Variants in CNGB1 observed in about 807,000 individuals in gnomAD.
The protein encoded by CNGB1 is cyclic nucleotide-gated channel beta-1.
CNGB1 carries 126 observed loss-of-function variants against 151.7 expected under a neutral mutation model. That is an observed-to-expected ratio of 0.83 (90% confidence interval 0.72 to 0.96). The LOEUF is 0.96. Among genes scored for constraint, CNGB1 ranks in the 40% least tolerant of loss-of-function variants. The pLI is 0.00. For missense variants in CNGB1, 1,698 were observed against 1,627.0 expected (o/e 1.04, Z -0.75); for synonymous variants, 623 against 635.1 (o/e 0.98, Z 0.29).
At chr16:57,897,353 T>C (rs1487706271) in intron 31 of CNGB1, 44 bp downstream of exon 31, 9 of 1,605,822 alleles carry the variant, frequency 5.6e-6, no homozygotes, top group African/African-American at 1.3e-5. Context: ...GAGAAATTCA[T>C]TGTCCTTAGC....
At chr16:57,909,815 G>C (rs1402179176) in intron 25 of CNGB1, among the ~76,000 whole-genome samples, 1 of 152,180 alleles carries the variant, frequency 6.6e-6, no homozygotes, top group East Asian at 1.9e-4. Flanking sequence ...AGGCAGTTAG[G>C]ACTCTGTGGC....
intron 18 of CNGB1, among the ~76,000 whole-genome samples, 188 bp from the exon 19 acceptor site, chr16:57,920,732 G>T (rs763317103): frequency 6.6e-6 from 1 of 152,220 alleles, no homozygotes; most frequent in Admixed American, 6.5e-5. Context: ...AATTCAGTCC[G>T]GGAATAATGC....
chr16:57,900,733 C>T (rs1960361611), intron 29 of CNGB1, among the ~76,000 whole-genome samples: 1 of 152,124 alleles, frequency 6.6e-6, no homozygotes, highest in South Asian at 2.1e-4. Context: ...CCAGCTGCCT[C>T]TTGCCATTTG....
At chr16:57,909,624 T>A (rs439430) in intron 25 of CNGB1, among the ~76,000 whole-genome samples, 88,193 of 152,060 alleles carry the variant, frequency 0.58, 26,226 homozygotes, top group African/African-American at 0.73. Flanking sequence ...CTTGGCCTCA[T>A]GTGATCTGCC....
chr16:57,916,093 C>T lies in CNGB1; in HGVS notation c.2217+36G>A, dbSNP rs143387488. 1.1e-4 allele frequency: 174 copies of T among 1,612,016 alleles called. 1 individual carries two copies. In the African/African-American group the frequency reaches 1.9e-3, roughly 18 times the overall value. On this transcript the variant is annotated intron_variant, in intron 22 of 32. Transcript: ENST00000251102. ...CCTCTGAGGCACCCCCTTCTGAAACCCCGCAGACGCTAAACCTTGCATGCC... is the reference window on the plus strand; with the variant it reads ...CCTCTGAGGCACCCCCTTCTGAAACTCCGCAGACGCTAAACCTTGCATGCC...
chr16:57,903,678 T>G, intron 27 of CNGB1, 144 bp downstream of exon 27: 1 of 1,054,746 alleles, frequency 9.5e-7, no homozygotes, highest in Non-Finnish European at 1.4e-6. Context: ...CACACCAATG[T>G]TGGGGACACA....
intron 12 of CNGB1, among the ~76,000 whole-genome samples, chr16:57,951,946 TC>T (rs1322107826): frequency 2.0e-5 from 3 of 152,184 alleles, no homozygotes. Flanking sequence ...CCATGGTTGC[TC>T]CCGGCTCCTC....
intron 31 of CNGB1, among the ~76,000 whole-genome samples, chr16:57,888,402 T>C (rs1959995347): frequency 6.6e-6 from 1 of 151,940 alleles, no homozygotes; most frequent in Admixed American, 6.6e-5. Context: ...TCTCTCTCTC[T>C]CCTCTCTCTT....
intron 31 of CNGB1, among the ~76,000 whole-genome samples, chr16:57,890,392 AT>A (rs1350609360): frequency 1.3e-5 from 2 of 152,198 alleles, no homozygotes; most frequent in Non-Finnish European, 2.9e-5. Flanking sequence ...TGAGTCCATA[AT>A]TCATGATGTG....
At chr16:57,951,675 C>A (rs1038690277) in intron 12 of CNGB1, among the ~76,000 whole-genome samples, 2 of 152,186 alleles carry the variant, frequency 1.3e-5, no homozygotes, top group African/African-American at 4.8e-5. Context: ...GAATGGCTTA[C>A]GTGGAATAAC....
At chr16:57,908,900 A>T (rs1960630962) in intron 25 of CNGB1, among the ~76,000 whole-genome samples, 1 of 152,150 alleles carries the variant, frequency 6.6e-6, no homozygotes, top group African/African-American at 2.4e-5. Context: ...TTCCATCAGC[A>T]CGAGGGCTGA....
In CNGB1 at chr16:57,939,447, T is replaced by C. The variant is rs755722603; in HGVS notation, c.1355A>G (p.Glu452Gly). The change falls in exon 16 of 33, where the codon GAG (glutamate) becomes GGG (glycine). Residue 452 changes from glutamate to glycine, a missense_variant. Coordinates refer to ENST00000251102, the MANE Select transcript of CNGB1 (RefSeq NM_001297.5). ...ACACCTACCTCCTGAACTGGCAGCCTCGGCCTCAGCCTCAGGCTCCTCCTT... is the reference window on the plus strand; with the variant it reads ...ACACCTACCTCCTGAACTGGCAGCCCCGGCCTCAGCCTCAGGCTCCTCCTT... ...ETKEEPEAEA[E>G]AASSGVPATK... 8 of 1,614,012 alleles carry C rather than the reference T, an allele frequency of 5.0e-6. No individual in the cohort carries two copies. In the Admixed American group the frequency reaches 1.3e-4, roughly 27 times the overall value.
chr16:57,890,624 G>A (rs993250755), intron 31 of CNGB1, among the ~76,000 whole-genome samples: 39 of 152,216 alleles, frequency 2.6e-4, no homozygotes, highest in African/African-American at 9.2e-4. Context: ...TGGAGCAAGT[G>A]ACCCACATAA....
intron 17 of CNGB1, among the ~76,000 whole-genome samples, chr16:57,926,495 A>G (rs1961192905): frequency 1.3e-5 from 2 of 152,350 alleles, no homozygotes; most frequent in Admixed American, 6.5e-5. Context: ...CCTTGATTCC[A>G]GAAGGCTCTG....
intron 14 of CNGB1, among the ~76,000 whole-genome samples, chr16:57,941,972 C>T (rs1961680416): frequency 6.6e-6 from 1 of 152,196 alleles, no homozygotes; most frequent in African/African-American, 2.4e-5. Flanking sequence ...CTGCTTCAGC[C>T]TCCCGAGTAG....
chr16:57,918,730 C>T, intron 20 of CNGB1, among the ~76,000 whole-genome samples: 1 of 152,120 alleles, frequency 6.6e-6, no homozygotes, highest in Middle Eastern at 3.2e-3. Flanking sequence ...GACAGAGTCT[C>T]ACTCTGTCAC....
intron 14 of CNGB1, among the ~76,000 whole-genome samples, chr16:57,945,238 T>C (rs1961777494): frequency 6.6e-6 from 1 of 152,192 alleles, no homozygotes; most frequent in Admixed American, 6.5e-5. Context: ...CTGTGCCTTC[T>C]ACACTAAGGA....
At position 57,928,642 on chromosome 16, in the gene CNGB1, CT is replaced by C. The variant is rs1188553728; in HGVS notation, c.1535+3073del. ...GTGTTTCCATTATATTATCTATTAT[CT>C]TTTTTTTTTCTTCAGACAGAGTCTC... is the stretch of plus-strand genomic sequence containing the variant. On this transcript the variant is annotated intron_variant, in intron 17 of 32. Transcript: ENST00000251102. Among the ~76,000 whole-genome samples, 9 of 150,570 alleles carry C rather than the reference CT, an allele frequency of 6.0e-5. No individual in the cohort carries two copies. The South Asian group carries it at 6.3e-4, about 11-fold the overall frequency.
intron 29 of CNGB1, among the ~76,000 whole-genome samples, chr16:57,899,219 C>T (rs1031107671): frequency 3.9e-5 from 6 of 152,198 alleles, no homozygotes; most frequent in Non-Finnish European, 5.9e-5. Flanking sequence ...TTAGAAACAC[C>T]TAGTCTGCCA....
Sources: allele counts gnomAD v4.1 joint callset (sites outside exome capture counted in the v4.1 genomes callset), GRCh38; gene constraint gnomAD v4.1.1; transcripts MANE v1.5; gene names NCBI Gene and HGNC (gene_info 2026-07-23, HGNC 2026-07-21).